Variants in ARHGEF3 observed in about 807,000 individuals in gnomAD.
ARHGEF3 encodes Rho guanine nucleotide exchange factor 3.
In ARHGEF3, 28 loss-of-function variants were observed where a neutral mutation model predicts 63.2. The ratio of observed to expected loss-of-function variants is 0.44; its 90% CI spans 0.33 to 0.61. ARHGEF3 has a LOEUF of 0.61. ARHGEF3 is among the 20% of genes least tolerant of loss of function. The pLI is 0.03. For missense variants in ARHGEF3, 533 were observed against 659.3 expected (o/e 0.81, Z 2.10); for synonymous variants, 266 against 254.2 (o/e 1.05, Z -0.44).
At chr3:56,988,714 G>A (rs1282696056) in intron 2 of ARHGEF3, among the ~76,000 whole-genome samples, 1 of 152,148 alleles carries the variant, frequency 6.6e-6, no homozygotes, top group East Asian at 1.9e-4. Flanking sequence ...GGGAGGCAGG[G>A]CCCAGACCAT....
At chr3:56,967,350 T>G (rs1700555803) in intron 2 of ARHGEF3, among the ~76,000 whole-genome samples, 1 of 96,016 alleles carries the variant, frequency 1.0e-5, no homozygotes, top group Admixed American at 1.7e-4. Context: ...ATATCATATA[T>G]TATATAATAT....
chr3:57,064,402 C>A (rs1444303470), intron 1 of ARHGEF3, among the ~76,000 whole-genome samples: 3 of 151,822 alleles, frequency 2.0e-5, no homozygotes, highest in Non-Finnish European at 4.4e-5. Flanking sequence ...CGGCTCACTG[C>A]AGCCTCAACT....
chr3:56,935,452 C>G (rs993221286), intron 3 of ARHGEF3, among the ~76,000 whole-genome samples: 3 of 152,188 alleles, frequency 2.0e-5, no homozygotes, highest in African/African-American at 7.2e-5. Context: ...AGTGTGGAAG[C>G]TTTGTTCTTT....
At chr3:56,794,960 G>A (rs951593658) in intron 1 of ARHGEF3, among the ~76,000 whole-genome samples, 2 of 151,858 alleles carry the variant, frequency 1.3e-5, no homozygotes, top group Non-Finnish European at 2.9e-5. Context: ...CCTGGCTCCA[G>A]CAATTCTCCC....
intron 2 of ARHGEF3, among the ~76,000 whole-genome samples, chr3:56,996,538 AG>A (rs1374847772): frequency 1.3e-5 from 2 of 152,210 alleles, no homozygotes; most frequent in East Asian, 3.8e-4. Context: ...ATGAGGACAC[AG>A]TGAGAAGGCA....
intron 1 of ARHGEF3, among the ~76,000 whole-genome samples, chr3:57,051,948 G>A (rs1468904167): frequency 1.3e-5 from 2 of 151,338 alleles, no homozygotes; most frequent in East Asian, 3.9e-4. Context: ...GGGTGACAGA[G>A]TAAGAGTCTG....
intron 1 of ARHGEF3, among the ~76,000 whole-genome samples, chr3:56,785,451 T>A (rs897659606): frequency 6.6e-6 from 1 of 152,130 alleles, no homozygotes; most frequent in Admixed American, 6.5e-5. Context: ...AGAGCTGGTC[T>A]CCAGTCTTGC....
upstream of ARHGEF3, among the ~76,000 whole-genome samples, chr3:56,802,725 C>A (rs2037719710): frequency 6.6e-6 from 1 of 152,176 alleles, no homozygotes; most frequent in Non-Finnish European, 1.5e-5. Context: ...CACTACCACA[C>A]CTTTCTGGAT....
chr3:56,842,876 C>T (rs1212951121), intron 4 of ARHGEF3, among the ~76,000 whole-genome samples: 1 of 152,162 alleles, frequency 6.6e-6, no homozygotes, highest in Non-Finnish European at 1.5e-5. Context: ...TTTAGTTCAT[C>T]CTTTTCTTTA....
Position 56,801,731 on chromosome 3 carries a change from G to T in ARHGEF3, c.68C>A (p.Pro23Gln), listed in dbSNP as rs751146866. ...AGCGTCCTTGGCCGGACCGCTGGCC[G>T]GGGGTAGCTCCAGGCTGCAGTTCGC... is the stretch of plus-strand genomic sequence containing the variant. ...KRANCSLELP[P>Q]ASGPAKDAEE... Residue 23 changes from proline (P) to glutamine (Q), a missense_variant, in exon 1 of 10, where the codon CCG becomes CAG. Pro to Gln is a moderately conservative substitution (Grantham distance 76, BLOSUM62 -1). This residue lies in a region of ARHGEF3 where 160 missense variants were observed against 157.3 expected (regional missense o/e 1.02). Transcript: ENST00000296315. 6.4e-7 allele frequency: 1 copy of T among 1,566,782 alleles called. No individual in the cohort carries two copies. Among genetic ancestry groups the T allele is most frequent in the East Asian group, 2.3e-5 (1 of 42,628 alleles).
chr3:56,827,776 G>GA (rs1442192580), intron 4 of ARHGEF3, among the ~76,000 whole-genome samples: 35 of 69,262 alleles, frequency 5.1e-4, no homozygotes, highest in Non-Finnish European at 6.6e-4. Context: ...AAAAAAAACA[G>GA]AAAAGAAAAA....
At chr3:56,787,244 A>G (rs931339834) in intron 1 of ARHGEF3, among the ~76,000 whole-genome samples, 1 of 152,102 alleles carries the variant, frequency 6.6e-6, no homozygotes, top group Non-Finnish European at 1.5e-5. Flanking sequence ...CTGCCCCAAC[A>G]TTTGAGAGTC....
chr3:56,899,387 T>G (rs1054232622), intron 3 of ARHGEF3, among the ~76,000 whole-genome samples: 3 of 152,216 alleles, frequency 2.0e-5, no homozygotes, highest in Non-Finnish European at 4.4e-5. Flanking sequence ...CAAAGAGAAA[T>G]GCTCAAATTG....
At chr3:57,049,930 T>C (rs1162161528) in intron 1 of ARHGEF3, among the ~76,000 whole-genome samples, 2 of 152,196 alleles carry the variant, frequency 1.3e-5, no homozygotes, top group Admixed American at 6.5e-5. Context: ...GGGTCAGGGA[T>C]TGACAGCAAC....
At chr3:56,742,424 C>A (rs2034096736) in intron 7 of ARHGEF3, among the ~76,000 whole-genome samples, 1 of 152,118 alleles carries the variant, frequency 6.6e-6, no homozygotes, top group South Asian at 2.1e-4. Flanking sequence ...AAAGGCAAGA[C>A]CTCTTTTTAG....
intron 3 of ARHGEF3, among the ~76,000 whole-genome samples, chr3:56,887,337 C>T (rs1474634911): frequency 6.6e-6 from 1 of 152,174 alleles, no homozygotes; most frequent in Non-Finnish European, 1.5e-5. Flanking sequence ...CCATTTCCTT[C>T]TTGAGTTCTG....
At chr3:56,964,557 T>C (rs1466525852) in intron 2 of ARHGEF3, among the ~76,000 whole-genome samples, 6 of 152,200 alleles carry the variant, frequency 3.9e-5, no homozygotes, top group Non-Finnish European at 8.8e-5. Flanking sequence ...AGCTACTACA[T>C]GTCAGGCATG....
rs541494026 is a variant in ARHGEF3, at chr3:56,872,439, T to A, written c.192+9853A>T. On this transcript the variant is annotated intron_variant, in intron 4 of 12. Transcript: ENST00000338458. Reference sequence around the variant, plus strand: ...TTTACAAGTCTATATAATTCGGATATTCATGCTGTTTCCAGTTTTAGCTAT... The same window carrying A: ...TTTACAAGTCTATATAATTCGGATAATCATGCTGTTTCCAGTTTTAGCTAT... 5.3e-5 allele frequency among the ~76,000 whole-genome samples: 8 copies of A among 152,336 alleles called. No individual in the cohort carries two copies. In the South Asian group the frequency reaches 1.7e-3, roughly 32 times the overall value.
chr3:56,732,973 C>A (rs920374721), intron 8 of ARHGEF3, among the ~76,000 whole-genome samples: 18 of 151,940 alleles, frequency 1.2e-4, no homozygotes, highest in Non-Finnish European at 1.8e-4. Flanking sequence ...CATGGTGAAA[C>A]CCCGTCTCTA....
Sources: gnomAD v4.1 joint callset for allele counts (sites outside exome capture counted in the v4.1 genomes callset) on GRCh38, gnomAD v4.1.1 for gene constraint, gnomAD v4.1.1 regional missense constraint, MANE v1.5 for transcripts, NCBI Gene and HGNC (gene_info 2026-07-23, HGNC 2026-07-21) for gene names.